Variants in ATF7IP observed in about 807,000 individuals in gnomAD.
ATF7IP encodes the protein activating transcription factor 7 interacting protein.
ATF7IP carries 23 observed loss-of-function variants against 106.4 expected under a neutral mutation model. The observed-to-expected ratio is 0.22, with a 90% CI of 0.16 to 0.31. The LOEUF is 0.31. Ranked by LOEUF, ATF7IP falls within the 10% of genes least tolerant of loss-of-function variation. ATF7IP has a pLI of 1.00. For synonymous variants in ATF7IP, 542 were observed against 539.0 expected (o/e 1.01, Z -0.08); for missense variants, 1,334 against 1,524.3 (o/e 0.88, Z 2.08).
intron 1 of ATF7IP, among the ~76,000 whole-genome samples, chr12:14,390,452 T>G (rs568219324): frequency 3.9e-5 from 6 of 152,328 alleles, no homozygotes; most frequent in African/African-American, 1.4e-4. Flanking sequence ...TTGAGATCTT[T>G]TATGTGATAA....
At chr12:14,428,439 AATTTTGTGT>A in intron 2 of ATF7IP, among the ~76,000 whole-genome samples, 1 of 152,162 alleles carries the variant, frequency 6.6e-6, no homozygotes, top group Non-Finnish European at 1.5e-5. Flanking sequence ...CTCTGAAGGT[AATTTTGTGT>A]ATTTTGAGTT....
At chr12:14,385,430 C>G (rs1939178734) in intron 1 of ATF7IP, 5 of 1,525,340 alleles carry the variant, frequency 3.3e-6, no homozygotes, top group Non-Finnish European at 4.4e-6. Flanking sequence ...TTATCTTAAA[C>G]ATTCTCATTT....
At chr12:14,460,213 T>G (rs980384529) in intron 8 of ATF7IP, among the ~76,000 whole-genome samples, 5 of 152,192 alleles carry the variant, frequency 3.3e-5, no homozygotes, top group African/African-American at 1.2e-4. Context: ...CTAAAGTGAT[T>G]ATAGTAATTT....
At chr12:14,403,645 GA>G (rs2136472092) in intron 1 of ATF7IP, among the ~76,000 whole-genome samples, 1 of 152,284 alleles carries the variant, frequency 6.6e-6, no homozygotes, top group East Asian at 1.9e-4. Context: ...ATGGTATTTG[GA>G]AATGCCAAAA....
intron 1 of ATF7IP, among the ~76,000 whole-genome samples, chr12:14,402,512 A>AT (rs1045908436): frequency 2.5e-4 from 37 of 147,212 alleles, no homozygotes; most frequent in South Asian, 4.3e-4. Flanking sequence ...GGAAGAATTG[A>AT]TTTTTTTTTT....
chr12:14,372,903 G>T (rs1938586498), intron 1 of ATF7IP, among the ~76,000 whole-genome samples: 1 of 152,128 alleles, frequency 6.6e-6, no homozygotes, highest in Non-Finnish European at 1.5e-5. Flanking sequence ...TTGTATGTTA[G>T]AATAGTTGTC....
At chr12:14,378,103 T>TC (rs1938832412) in intron 1 of ATF7IP, among the ~76,000 whole-genome samples, 1 of 147,368 alleles carries the variant, frequency 6.8e-6, no homozygotes, top group African/African-American at 2.6e-5. Context: ...TCTTTTTCTT[T>TC]TTTTTTTTTT....
intron 1 of ATF7IP, among the ~76,000 whole-genome samples, chr12:14,405,373 G>A (rs1356533534): frequency 6.7e-6 from 1 of 148,500 alleles, no homozygotes; most frequent in Non-Finnish European, 1.5e-5. Flanking sequence ...CCATAATATG[G>A]AAGAGGATTT....
intron 11 of ATF7IP, among the ~76,000 whole-genome samples, chr12:14,477,644 C>T (rs1273754603): frequency 6.6e-6 from 1 of 152,170 alleles, no homozygotes; most frequent in African/African-American, 2.4e-5. Flanking sequence ...CACTGTTTTC[C>T]AATGGCATTA....
rs58703478 is a variant in ATF7IP, at chr12:14,436,782, C to CT, written c.1791+544dup. On this transcript the variant is annotated intron_variant, in intron 4 of 14. Transcript: ENST00000261168. ...CTTTCTGACTTCTTTTTGGCTACAT[C>CT]TTTTTTTTTTTTTAAAAAAGGTTAT... Among the ~76,000 whole-genome samples the CT allele has an allele frequency of 9.2e-3, 1,368 of 148,272 alleles. 17 individuals are homozygous for CT. Among genetic ancestry groups the CT allele is most frequent in the African/African-American group, 0.03 (1,236 of 40,686 alleles).
rs1311205969 is a variant in ATF7IP, at chr12:14,498,566, T to C, written c.*493T>C. On this transcript the variant is annotated 3_prime_UTR_variant, in exon 15 of 15. Transcript: ENST00000261168. The stretch of plus-strand genomic sequence containing the variant: ...TAAAAAACAAAATGGCTAAATAGTT[T>C]AAAATAGGTTAATTCGAACACAGGA... 2.6e-5 allele frequency: 4 copies of C among 153,368 alleles called. No individual in the cohort carries two copies. Among genetic ancestry groups the C allele is most frequent in the Non-Finnish European group, 4.4e-5 (3 of 68,680 alleles). The allele number at this position is 153,368 out of a possible 1,614,324, so 9.5% of individuals were successfully genotyped here. A position where few individuals can be genotyped will look rare whatever the true frequency, so the allele number is the denominator to read the frequency against.
At chr12:14,440,282 C>T (rs576940813) in intron 5 of ATF7IP, among the ~76,000 whole-genome samples, 24 of 152,268 alleles carry the variant, frequency 1.6e-4, no homozygotes, top group Non-Finnish European at 2.9e-4. Flanking sequence ...CACTCTGGTA[C>T]TAGTTTTTAA....
chr12:14,473,277 T>A (rs61922692), intron 10 of ATF7IP, among the ~76,000 whole-genome samples: 2 of 32,054 alleles, frequency 6.2e-5, no homozygotes, highest in Admixed American at 1.0e-3. Context: ...TTTAGCGCGC[T>A]CTCTCTCTCT....
At chr12:14,403,479 C>G (rs1023010606) in intron 1 of ATF7IP, among the ~76,000 whole-genome samples, 3 of 152,144 alleles carry the variant, frequency 2.0e-5, no homozygotes, top group Admixed American at 2.0e-4. Flanking sequence ...TCTAGTCTCT[C>G]TAAGCACTGT....
At chr12:14,491,481 C>CA (rs999841420) in intron 13 of ATF7IP, among the ~76,000 whole-genome samples, 122 of 152,270 alleles carry the variant, frequency 8.0e-4, no homozygotes, top group African/African-American at 2.9e-3. Flanking sequence ...AATCTCTCAC[C>CA]AATAAGTCCA....
intron 12 of ATF7IP, among the ~76,000 whole-genome samples, chr12:14,479,734 T>G (rs1402308052): frequency 1.3e-5 from 2 of 152,154 alleles, no homozygotes; most frequent in Non-Finnish European, 2.9e-5. Context: ...TAAAATAAAT[T>G]TTACCTTGTT....
chr12:14,479,539 T>G (rs1294361020), intron 12 of ATF7IP, among the ~76,000 whole-genome samples: 2 of 152,214 alleles, frequency 1.3e-5, no homozygotes, highest in East Asian at 3.8e-4. Context: ...AATTTATACT[T>G]AAAACACCAG....
At chr12:14,494,333 ATGTGTGTGTGTATATG>A (rs1944937539) in intron 13 of ATF7IP, among the ~76,000 whole-genome samples, 7 of 86,016 alleles carry the variant, frequency 8.1e-5, no homozygotes, top group East Asian at 4.0e-4. Context: ...ATATATATAT[ATGTGTGTGTGTATATG>A]TATATATACA....
intron 1 of ATF7IP, chr12:14,385,328 A>C (rs1939169634): frequency 1.3e-6 from 2 of 1,494,282 alleles, no homozygotes; most frequent in Admixed American, 2.1e-5. Context: ...AATGGCTGCT[A>C]ACCTAGTCTT....
Sources: gnomAD v4.1 joint callset for allele counts (sites outside exome capture counted in the v4.1 genomes callset) on GRCh38, gnomAD v4.1.1 for gene constraint, MANE v1.5 for transcripts, NCBI Gene and HGNC (gene_info 2026-07-23, HGNC 2026-07-21) for gene names.